Variants in ZNF609 observed in about 807,000 individuals in gnomAD.
ZNF609 encodes zinc finger protein 609.
ZNF609 carries 11 observed loss-of-function variants against 109.5 expected under a neutral mutation model. That is an observed-to-expected ratio of 0.10 (90% CI 0.06 to 0.17). The LOEUF (loss-of-function observed/expected upper bound fraction) is 0.17. ZNF609 is among the 10% of genes least tolerant of loss of function. The pLI is 1.00. For synonymous variants in ZNF609, 646 were observed against 662.0 expected (o/e 0.98, Z 0.37); for missense variants, 1,559 against 1,772.4 (o/e 0.88, Z 2.16).
At chr15:64,629,726 C>T (rs1013703050) in intron 3 of ZNF609, among the ~76,000 whole-genome samples, 1 of 152,148 alleles carries the variant, frequency 6.6e-6, no homozygotes, top group East Asian at 1.9e-4. Flanking sequence ...ATTACTTCCC[C>T]GCACAAAATA....
At chr15:64,534,173 G>A (rs566124602) in intron 2 of ZNF609, among the ~76,000 whole-genome samples, 18 of 151,518 alleles carry the variant, frequency 1.2e-4, no homozygotes, top group African/African-American at 4.4e-4. Context: ...TGCCACACCC[G>A]GCTAATTTTA....
At chr15:64,503,749 T>G (rs1400906964) in intron 2 of ZNF609, among the ~76,000 whole-genome samples, 1 of 152,216 alleles carries the variant, frequency 6.6e-6, no homozygotes, top group African/African-American at 2.4e-5. Flanking sequence ...TGCACTTTGC[T>G]TTTCCCGTGT....
intron 1 of ZNF609, among the ~76,000 whole-genome samples, chr15:64,494,418 T>G (rs528288771): frequency 6.6e-6 from 1 of 152,282 alleles, no homozygotes; most frequent in Non-Finnish European, 1.5e-5. Context: ...ATATTAAATT[T>G]TTTCCTGAGT....
chr15:64,627,663 C>CTTTTTTTTTTTTTTTTTTTTTTTTTT (rs35293725), intron 3 of ZNF609, among the ~76,000 whole-genome samples: 1 of 86,016 alleles, frequency 1.2e-5, no homozygotes, highest in Admixed American at 1.8e-4. Flanking sequence ...TTTTTTCTTT[C>CTTTTTTTTTTTTTTTTTTTTTTTTTT]TTTTTTTTTT....
At chr15:64,576,901 T>C (rs182757322) in intron 2 of ZNF609, among the ~76,000 whole-genome samples, 26 of 120,804 alleles carry the variant, frequency 2.2e-4, no homozygotes, top group South Asian at 4.6e-4. Context: ...AATATATACA[T>C]ATATATGTAT....
chr15:64,478,916 T>A (rs530426069), intron 1 of ZNF609, among the ~76,000 whole-genome samples: 1 of 152,186 alleles, frequency 6.6e-6, no homozygotes, highest in African/African-American at 2.4e-5. Flanking sequence ...TCCAAGTGTA[T>A]GTTGTTGTTT....
At chr15:64,489,715 A>C (rs1696390001) in intron 1 of ZNF609, among the ~76,000 whole-genome samples, 1 of 151,224 alleles carries the variant, frequency 6.6e-6, no homozygotes, top group South Asian at 2.1e-4. Context: ...TTTTTAGTAA[A>C]GACAGTTTCC....
At chr15:64,553,834 G>T (rs919372678) in intron 2 of ZNF609, among the ~76,000 whole-genome samples, 3 of 152,140 alleles carry the variant, frequency 2.0e-5, no homozygotes, top group South Asian at 2.1e-4. Context: ...TCCTGACCTC[G>T]TGATCCACCT....
rs2083220081 is a variant in ZNF609, at chr15:64,683,079, G to T, written c.*1393G>T. On this transcript the variant is annotated 3_prime_UTR_variant, in exon 10 of 10. Transcript: ENST00000326648. The stretch of plus-strand genomic sequence containing the variant: ...GCTTTATACTCTTTGTACTGGGAAA[G>T]TGAGGATGATTTGGTAGCTTTATTG... 6.6e-6 allele frequency: 1 copy of T among 152,642 alleles called. No homozygotes were observed. Among genetic ancestry groups the T allele is most frequent in the Non-Finnish European group, 1.5e-5 (1 of 68,034 alleles). 9.5% of individuals were successfully genotyped at this position (152,642 alleles called of 1,614,324 possible). A position where few individuals can be genotyped will look rare whatever the true frequency, so the allele number is the denominator to read the frequency against.
chr15:64,528,574 G>C, intron 2 of ZNF609: 1 of 610,632 alleles, frequency 1.6e-6, no homozygotes, highest in Admixed American at 2.4e-5. Context: ...GGGAGATTCA[G>C]CTTGGTGGGG....
chr15:64,685,624 T>G lies in ZNF609; in HGVS notation c.*3938T>G, dbSNP rs958041681. On this transcript the variant is annotated 3_prime_UTR_variant, in exon 10 of 10. Transcript: ENST00000326648. ...TCCTGGAGGCCCTGGCTTGGGACAC[T>G]CACCTGTGAAACTATGCAGCTGGGA... is the stretch of plus-strand genomic sequence containing the variant. 18 of 152,892 alleles carry G rather than the reference T, an allele frequency of 1.2e-4. 1 individual carries two copies. The highest frequency in any genetic ancestry group is 6.3e-3 in the Middle Eastern group (2 of 320). 9.5% of individuals were successfully genotyped at this position (152,892 alleles called of 1,614,324 possible).
chr15:64,584,180 T>C (rs1480887124), intron 2 of ZNF609, among the ~76,000 whole-genome samples: 1 of 152,166 alleles, frequency 6.6e-6, no homozygotes, highest in Non-Finnish European at 1.5e-5. Flanking sequence ...GAGGGTTCCC[T>C]GCTGATCAGA....
intron 2 of ZNF609, among the ~76,000 whole-genome samples, chr15:64,540,407 A>T (rs980516481): frequency 6.6e-6 from 1 of 151,736 alleles, no homozygotes; most frequent in African/African-American, 2.4e-5. Context: ...TTTGTTTTTT[A>T]TTTTTGTTTT....
chr15:64,608,877 A>G (rs1158165452), intron 2 of ZNF609, among the ~76,000 whole-genome samples: 1 of 151,774 alleles, frequency 6.6e-6, no homozygotes, highest in Non-Finnish European at 1.5e-5. Context: ...TAGCTGGGAC[A>G]ACAGGCATGT....
At chr15:64,594,259 A>G (rs1567023837) in intron 2 of ZNF609, among the ~76,000 whole-genome samples, 1 of 151,938 alleles carries the variant, frequency 6.6e-6, no homozygotes, top group Non-Finnish European at 1.5e-5. Context: ...CATATGCACT[A>G]TGTTTTGTTT....
intron 2 of ZNF609, among the ~76,000 whole-genome samples, chr15:64,575,187 G>A (rs1894929082): frequency 6.6e-6 from 1 of 152,166 alleles, no homozygotes; most frequent in South Asian, 2.1e-4. Flanking sequence ...ATCTGGATAT[G>A]GCTGAGGCGG....
rs149015480 is a variant in ZNF609 at position 64,660,764 on chromosome 15, C to T, written c.974-9582C>T. Among the ~76,000 whole-genome samples the T allele has an allele frequency of 6.0e-3, 907 of 152,222 alleles. 13 individuals are homozygous for T. The highest frequency in any genetic ancestry group is 0.021 in the African/African-American group (869 of 41,536). On this transcript the variant is annotated intron_variant, in intron 3 of 9. Transcript: ENST00000326648. ...ACAGGGCCTTTGTACTTGCTTTTTC[C>T]GCTGCCTAAAATGTCTTCTAATTTC...
At chr15:64,665,694 G>C (rs1413898736) in intron 3 of ZNF609, among the ~76,000 whole-genome samples, 1 of 152,192 alleles carries the variant, frequency 6.6e-6, no homozygotes, top group Non-Finnish European at 1.5e-5. Flanking sequence ...CAGATCACCT[G>C]AGGTCAGGAG....
chr15:64,662,132 C>T (rs1442252878), intron 3 of ZNF609, among the ~76,000 whole-genome samples: 1 of 152,102 alleles, frequency 6.6e-6, no homozygotes, highest in African/African-American at 2.4e-5. Flanking sequence ...TGGCAGAGGG[C>T]TTCAGTTGCT....
Sources: gnomAD v4.1 joint callset for allele counts (sites outside exome capture counted in the v4.1 genomes callset) on GRCh38, gnomAD v4.1.1 for gene constraint, MANE v1.5 for transcripts, NCBI Gene and HGNC (gene_info 2026-07-23, HGNC 2026-07-21) for gene names.